Variants in CAMK4 observed in about 807,000 individuals in gnomAD.
CAMK4 encodes calcium/calmodulin-dependent protein kinase type IV.
In CAMK4, 22 loss-of-function variants were observed where a neutral mutation model predicts 44.9. The observed-to-expected ratio is 0.49, with a 90% CI of 0.35 to 0.70. The LOEUF is 0.70. Among genes scored for constraint, CAMK4 ranks in the 30% least tolerant of loss-of-function variants. CAMK4 has a pLI of 0.01. For synonymous variants in CAMK4, 218 were observed against 215.4 expected, an observed-to-expected ratio of 1.01 and a Z score of -0.11; for missense variants, 498 against 586.8, an observed-to-expected ratio of 0.85 and a Z score of 1.56.
In CAMK4 at chr5:111,486,803, G is replaced by GT. The variant is rs1451310699; in HGVS notation, c.*2338dup. On this transcript the variant is annotated 3_prime_UTR_variant, in exon 11 of 11. Coordinates refer to ENST00000282356, the MANE Select transcript of CAMK4 (RefSeq NM_001744.6). ...TGAGTGCATATTACCATTCCTCCAT[G>GT]TGAGTACTCGAGTTGATAATTCCCT... 1 of 152,034 alleles carries GT rather than the reference G, an allele frequency of 6.6e-6. No individual in the cohort carries two copies. Among genetic ancestry groups the GT allele is most frequent in the Non-Finnish European group, 1.5e-5 (1 of 68,016 alleles). 9.4% of individuals were successfully genotyped at this position (152,034 alleles called of 1,614,324 possible). A position where few individuals can be genotyped will look rare whatever the true frequency, so the allele number is the denominator to read the frequency against.
At chr5:111,473,084 A>G (rs1755118235) in intron 7 of CAMK4, among the ~76,000 whole-genome samples, 1 of 144,816 alleles carries the variant, frequency 6.9e-6, no homozygotes, top group Non-Finnish European at 1.5e-5. Context: ...ATAGAATATT[A>G]AAGTTAATAG....
At chr5:111,442,080 T>G (rs1463706443) in intron 5 of CAMK4, among the ~76,000 whole-genome samples, 1 of 152,212 alleles carries the variant, frequency 6.6e-6, no homozygotes, top group Non-Finnish European at 1.5e-5. Context: ...ATTGATCTTT[T>G]TATGTCTTCA....
chr5:111,358,281 A>G (rs919569196), intron 2 of CAMK4, among the ~76,000 whole-genome samples: 7 of 152,134 alleles, frequency 4.6e-5, no homozygotes, highest in African/African-American at 1.7e-4. Flanking sequence ...GGGAACTGTG[A>G]GATATACAGA....
At position 111,341,033 on chromosome 5, in the gene CAMK4, A is replaced by G. The variant is rs548619853; in HGVS notation, c.162-2991A>G. ...TCATACTAGTCTCTTAAGACCCTTT[A>G]CATTTCTGTACTATCAGTTGTATGT... On this transcript the variant is annotated intron_variant, in intron 1 of 10. Transcript: ENST00000282356. Among the ~76,000 whole-genome samples, 33 of 150,886 alleles carry G rather than the reference A, an allele frequency of 2.2e-4. 1 individual carries two copies. In the South Asian group the frequency reaches 5.0e-3, roughly 23 times the overall value.
rs533653698 is a variant in CAMK4, at chr5:111,399,461, G to T, written c.459+4679G>T. Among the ~76,000 whole-genome samples, 9 of 152,200 alleles carry T rather than the reference G, an allele frequency of 5.9e-5. No homozygotes were observed. The South Asian group carries it at 1.9e-3, about 32-fold the overall frequency. ...ATTATTTAAAATTGAACAGTATTTT[G>T]TCTGTTTTGTGTTTATTATCTCTCC... On this transcript the variant is annotated intron_variant, in intron 5 of 10. Transcript: ENST00000282356.
At chr5:111,249,372 A>G (rs1189028671) in intron 1 of CAMK4, among the ~76,000 whole-genome samples, 1 of 151,860 alleles carries the variant, frequency 6.6e-6, no homozygotes, top group Admixed American at 6.6e-5. Flanking sequence ...GAAACTGAAA[A>G]TGTTAAAAAA....
chr5:111,275,055 A>G (rs1750695771), intron 1 of CAMK4, among the ~76,000 whole-genome samples: 1 of 152,140 alleles, frequency 6.6e-6, no homozygotes, highest in Admixed American at 6.6e-5. Flanking sequence ...TAATGTTATG[A>G]TACATGTATA....
intron 5 of CAMK4, among the ~76,000 whole-genome samples, chr5:111,423,444 A>G (rs779775498): frequency 7.2e-5 from 11 of 152,194 alleles, no homozygotes; most frequent in Non-Finnish European, 1.0e-4. Context: ...AAACACATAC[A>G]TTTCTATGAA....
intron 1 of CAMK4, among the ~76,000 whole-genome samples, chr5:111,335,624 A>G (rs1416520879): frequency 2.6e-5 from 4 of 151,328 alleles, no homozygotes. Flanking sequence ...CCCTTTCTAC[A>G]CTACGTAGTC....
chr5:111,333,146 A>T (rs1428095051), intron 1 of CAMK4, among the ~76,000 whole-genome samples: 1 of 151,684 alleles, frequency 6.6e-6, no homozygotes, highest in Non-Finnish European at 1.5e-5. Flanking sequence ...ATGGAGATGG[A>T]ATTGTGTAGA....
intron 1 of CAMK4, among the ~76,000 whole-genome samples, chr5:111,288,191 A>G (rs760833948): frequency 5.3e-5 from 8 of 152,154 alleles, no homozygotes; most frequent in Non-Finnish European, 7.4e-5. Flanking sequence ...TAAAAACATT[A>G]TCACAATTTA....
intron 5 of CAMK4, among the ~76,000 whole-genome samples, chr5:111,401,278 A>G (rs185471654): frequency 9.8e-5 from 15 of 152,292 alleles, no homozygotes; most frequent in African/African-American, 3.4e-4. Context: ...AGCCGGGATT[A>G]CAGGCATGCG....
chr5:111,295,720 CTT>C (rs1218460675), intron 1 of CAMK4, among the ~76,000 whole-genome samples: 2 of 152,180 alleles, frequency 1.3e-5, no homozygotes, highest in Non-Finnish European at 2.9e-5. Flanking sequence ...TATTCTAAAA[CTT>C]TCATATGCTG....
chr5:111,278,711 A>G (rs1036818547), intron 1 of CAMK4, among the ~76,000 whole-genome samples: 1 of 152,134 alleles, frequency 6.6e-6, no homozygotes, highest in Non-Finnish European at 1.5e-5. Flanking sequence ...ATCTGATATA[A>G]TTGTTATTTT....
At chr5:111,364,468 G>T (rs1192856040) in intron 2 of CAMK4, among the ~76,000 whole-genome samples, 1 of 152,072 alleles carries the variant, frequency 6.6e-6, no homozygotes, top group Non-Finnish European at 1.5e-5. Flanking sequence ...AAAATAAAAA[G>T]ACTGTTTCCT....
intron 5 of CAMK4, among the ~76,000 whole-genome samples, chr5:111,407,222 C>T (rs2112887268): frequency 6.6e-6 from 1 of 151,906 alleles, no homozygotes; most frequent in Non-Finnish European, 1.5e-5. Context: ...ATGACGGCAG[C>T]CACCTCTAAT....
intron 4 of CAMK4, among the ~76,000 whole-genome samples, chr5:111,383,697 C>T (rs1271045333): frequency 2.0e-5 from 3 of 150,780 alleles, no homozygotes; most frequent in African/African-American, 7.3e-5. Flanking sequence ...GATCTCTTGA[C>T]CTCGTGATCC....
intron 1 of CAMK4, among the ~76,000 whole-genome samples, chr5:111,337,538 G>A (rs1749458282): frequency 6.8e-6 from 1 of 146,582 alleles, no homozygotes; most frequent in Admixed American, 6.8e-5. Context: ...TTCAAATAGT[G>A]TTGTTGAAGT....
chr5:111,388,792 A>G (rs901017371), intron 4 of CAMK4, among the ~76,000 whole-genome samples: 1 of 152,320 alleles, frequency 6.6e-6, no homozygotes, highest in Admixed American at 6.5e-5. Context: ...TAGCAGATAC[A>G]TCTGTTGGAA....
Sources: gnomAD v4.1 joint callset for allele counts (sites outside exome capture counted in the v4.1 genomes callset) on GRCh38, gnomAD v4.1.1 for gene constraint, MANE v1.5 for transcripts, NCBI Gene and HGNC (gene_info 2026-07-23, HGNC 2026-07-21) for gene names.